Variants in TENM2 observed in about 807,000 individuals in gnomAD.
The protein encoded by TENM2 is teneurin-2.
In TENM2, 52 loss-of-function variants were observed where a neutral mutation model predicts 245.2. That is an observed-to-expected ratio of 0.21 (90% CI 0.17 to 0.27). The LOEUF (loss-of-function observed/expected upper bound fraction) is 0.27, where lower values mean the gene tolerates loss of function less well. Among genes scored for constraint, TENM2 ranks in the 10% least tolerant of loss-of-function variants. The probability of loss-of-function intolerance (pLI) is 1.00; values close to 1 mark genes in which losing one functional copy is unlikely to be tolerated. For missense variants in TENM2, 3,046 were observed against 3,666.8 expected, an observed-to-expected ratio of 0.83 and a Z score of 4.37; for synonymous variants, 1,363 against 1,438.9, an observed-to-expected ratio of 0.95 and a Z score of 1.19.
chr5:168,245,100 T>C (rs1960425), intron 26 of TENM2, among the ~76,000 whole-genome samples: 76,265 of 151,446 alleles, frequency 0.5, 19,583 homozygotes, highest in South Asian at 0.57. Context: ...GCCTGATATG[T>C]TTTGCCATGA....
At chr5:167,417,044 G>A (rs1763207192) in intron 2 of TENM2, among the ~76,000 whole-genome samples, 1 of 151,984 alleles carries the variant, frequency 6.6e-6, no homozygotes, top group Admixed American at 6.6e-5. Flanking sequence ...TATTGTCTTA[G>A]GATCTTATTT....
intron 2 of TENM2, among the ~76,000 whole-genome samples, chr5:167,793,299 G>T (rs1455227827): frequency 6.6e-6 from 1 of 152,070 alleles, no homozygotes; most frequent in African/African-American, 2.4e-5. Flanking sequence ...GTAAAAATGG[G>T]TTATAATAAT....
the TENM2 span, among the ~76,000 whole-genome samples, chr5:167,213,854 A>T: frequency 6.6e-6 from 1 of 152,232 alleles, no homozygotes; most frequent in African/African-American, 2.4e-5. Context: ...GTCTTCAGGA[A>T]TTGCAATTTG....
chr5:167,426,226 A>G (rs547978517), intron 2 of TENM2, among the ~76,000 whole-genome samples: 1 of 152,324 alleles, frequency 6.6e-6, no homozygotes, highest in Admixed American at 6.5e-5. Flanking sequence ...GAATTCTGAT[A>G]TGAGCCATGC....
the TENM2 span, among the ~76,000 whole-genome samples, chr5:167,234,622 A>G: frequency 6.6e-6 from 1 of 152,198 alleles, no homozygotes; most frequent in Non-Finnish European, 1.5e-5. Flanking sequence ...GCTCTTGTGA[A>G]TGAGGATGAT....
chr5:167,644,971 G>A (rs1054998364), intron 2 of TENM2, among the ~76,000 whole-genome samples: 3 of 152,132 alleles, frequency 2.0e-5, no homozygotes, highest in African/African-American at 7.2e-5. Context: ...GGATAGCCTA[G>A]GCTGCACACC....
At chr5:167,875,050 T>C (rs1035220889) in intron 2 of TENM2, among the ~76,000 whole-genome samples, 1 of 152,212 alleles carries the variant, frequency 6.6e-6, no homozygotes, top group Admixed American at 6.5e-5. Context: ...TGGTCATTCA[T>C]TCAGCAGATG....
At chr5:167,455,753 G>A (rs1191720683) in intron 2 of TENM2, among the ~76,000 whole-genome samples, 1 of 152,150 alleles carries the variant, frequency 6.6e-6, no homozygotes, top group African/African-American at 2.4e-5. Flanking sequence ...TTGACCAAGA[G>A]ACCGTTCAAG....
chr5:167,515,490 T>C (rs1473170903), intron 2 of TENM2, among the ~76,000 whole-genome samples: 4 of 151,252 alleles, frequency 2.6e-5, no homozygotes, highest in Non-Finnish European at 5.9e-5. Context: ...TGGGTTCCAA[T>C]AGCCAGGGCC....
At chr5:167,969,521 A>T (rs1781618095) in intron 4 of TENM2, among the ~76,000 whole-genome samples, 1 of 152,116 alleles carries the variant, frequency 6.6e-6, no homozygotes, top group Admixed American at 6.6e-5. Context: ...ACCAATACAG[A>T]TGTTCTTGTC....
At chr5:167,199,386 A>C in the TENM2 span, among the ~76,000 whole-genome samples, 1 of 152,104 alleles carries the variant, frequency 6.6e-6, no homozygotes, top group African/African-American at 2.4e-5. Context: ...CCTGGAGAGA[A>C]GGATCAAATT....
At chr5:168,049,427 G>T (rs1230506462) in intron 6 of TENM2, among the ~76,000 whole-genome samples, 2 of 152,276 alleles carry the variant, frequency 1.3e-5, no homozygotes, top group Admixed American at 1.3e-4. Flanking sequence ...GTTTATATGT[G>T]TATACATTCT....
intron 2 of TENM2, among the ~76,000 whole-genome samples, chr5:167,431,485 T>G (rs1409073908): frequency 1.3e-5 from 2 of 152,168 alleles, no homozygotes; most frequent in African/African-American, 4.8e-5. Flanking sequence ...TGAGAGTACT[T>G]CTTAACAACC....
chr5:167,926,764 A>AC (rs1491564536), intron 3 of TENM2, among the ~76,000 whole-genome samples: 10 of 144,950 alleles, frequency 6.9e-5, no homozygotes, highest in South Asian at 2.2e-4. Flanking sequence ...ACACACACAC[A>AC]AGACCTTAGT....
At chr5:167,152,249 A>G in the TENM2 span, among the ~76,000 whole-genome samples, 2 of 152,238 alleles carry the variant, frequency 1.3e-5, no homozygotes. Flanking sequence ...ATTCACATTT[A>G]CAATCTGAAG....
chr5:168,016,494 A>G (rs1252417040), intron 5 of TENM2, among the ~76,000 whole-genome samples: 1 of 152,254 alleles, frequency 6.6e-6, no homozygotes, highest in Non-Finnish European at 1.5e-5. Context: ...AGCATAAATC[A>G]AATAACTTGC....
chr5:167,611,283 A>T (rs1022488438), intron 2 of TENM2, among the ~76,000 whole-genome samples: 28 of 152,068 alleles, frequency 1.8e-4, no homozygotes, highest in African/African-American at 6.5e-4. Context: ...GCTGCAATAT[A>T]TAAAACAGAT....
At chr5:167,810,858 AG>A (rs1766585560) in intron 2 of TENM2, among the ~76,000 whole-genome samples, 1 of 152,150 alleles carries the variant, frequency 6.6e-6, no homozygotes, top group African/African-American at 2.4e-5. Context: ...AATCAGATTA[AG>A]GAAAGGCACT....
At chr5:168,192,142 G>C (rs565373121) in intron 14 of TENM2, among the ~76,000 whole-genome samples, 1 of 152,114 alleles carries the variant, frequency 6.6e-6, no homozygotes, top group Non-Finnish European at 1.5e-5. Context: ...ATTTAAATAC[G>C]TAAAAGTTGA....
Sources: allele counts gnomAD v4.1 joint callset (sites outside exome capture counted in the v4.1 genomes callset), GRCh38; gene constraint gnomAD v4.1.1; transcripts MANE v1.5; gene names NCBI Gene and HGNC (gene_info 2026-07-23, HGNC 2026-07-21).